Variants in MLLT3 observed in about 807,000 individuals in gnomAD.
MLLT3 encodes the protein protein AF-9.
A neutral mutation model predicts 53.2 loss-of-function variants in MLLT3; 4 were observed. That is an observed-to-expected ratio of 0.08 (90% CI 0.04 to 0.17). The LOEUF (loss-of-function observed/expected upper bound fraction) is 0.17. Among genes scored for constraint, MLLT3 ranks in the 10% least tolerant of loss-of-function variants. MLLT3 has a pLI of 1.00. For synonymous variants in MLLT3, 283 were observed against 230.6 expected (o/e 1.23, Z -2.06); for missense variants, 569 against 684.0 (o/e 0.83, Z 1.87).
chr9:20,534,135 AAC>A (rs1179837486), intron 2 of MLLT3, among the ~76,000 whole-genome samples: 2 of 152,250 alleles, frequency 1.3e-5, no homozygotes, highest in Non-Finnish European at 2.9e-5. Context: ...CAGAATATTC[AAC>A]AGTTATTATA....
intron 2 of MLLT3, among the ~76,000 whole-genome samples, chr9:20,555,426 C>T (rs1437495702): frequency 2.0e-5 from 3 of 152,056 alleles, no homozygotes; most frequent in African/African-American, 4.8e-5. Context: ...GGATTACAGG[C>T]GTGAGCCACC....
intron 2 of MLLT3, among the ~76,000 whole-genome samples, chr9:20,462,615 A>G (rs1824138474): frequency 6.6e-6 from 1 of 152,018 alleles, no homozygotes; most frequent in Non-Finnish European, 1.5e-5. Context: ...CCTTCTGCCA[A>G]TACTCAAAAC....
chr9:20,363,399 G>T (rs1821372614), intron 7 of MLLT3, 77 bp downstream of exon 7: 2,024 of 1,438,398 alleles, frequency 1.4e-3, no homozygotes, highest in East Asian at 3.3e-3. Flanking sequence ...TCACACCTTT[G>T]CTGTGATTAT....
chr9:20,398,108 A>T (rs567737613), intron 5 of MLLT3, among the ~76,000 whole-genome samples: 58 of 151,436 alleles, frequency 3.8e-4, no homozygotes, highest in East Asian at 3.7e-3. Flanking sequence ...TTAATTTTTA[A>T]TTTTTTTTTA....
chr9:20,485,788 C>T (rs931451562), intron 2 of MLLT3, among the ~76,000 whole-genome samples: 1 of 135,000 alleles, frequency 7.4e-6, no homozygotes, highest in Admixed American at 7.8e-5. Context: ...TGATTTAATA[C>T]ATAAAGACTG....
At chr9:20,465,851 G>T (rs990887627) in intron 2 of MLLT3, among the ~76,000 whole-genome samples, 1 of 152,092 alleles carries the variant, frequency 6.6e-6, no homozygotes, top group Non-Finnish European at 1.5e-5. Context: ...GACTGAATGA[G>T]GGTGATGTTA....
chr9:20,471,249 A>AT (rs1343377250), intron 2 of MLLT3, among the ~76,000 whole-genome samples: 2 of 152,004 alleles, frequency 1.3e-5, no homozygotes, highest in Admixed American at 6.5e-5. Flanking sequence ...GGATCTTCTC[A>AT]TTTTTCTACA....
chr9:20,514,750 C>A (rs528948929), intron 2 of MLLT3, among the ~76,000 whole-genome samples: 12 of 152,020 alleles, frequency 7.9e-5, no homozygotes, highest in African/African-American at 1.9e-4. Context: ...GAAAAGGAGT[C>A]GTTTGAGGAA....
chr9:20,397,429 G>A (rs933480736), intron 5 of MLLT3, among the ~76,000 whole-genome samples: 2 of 152,126 alleles, frequency 1.3e-5, no homozygotes, highest in Non-Finnish European at 2.9e-5. Context: ...ATTGGCAAGA[G>A]TGAGTATGCT....
rs532655901 is a variant in MLLT3, at chr9:20,539,993, C to G, written c.193+80661G>C. Among the ~76,000 whole-genome samples, 19 of 152,226 alleles carry G rather than the reference C, an allele frequency of 1.2e-4. No homozygotes were observed. The South Asian group carries it at 3.9e-3, about 32-fold the overall frequency. On this transcript the variant is annotated intron_variant, in intron 2 of 10. Transcript: ENST00000380338. The stretch of plus-strand genomic sequence containing the variant: ...CCCATTCCAAAAGGGAAAAAGTGCC[C>G]AAAACAAAGAGGCTACAAACCCCAG...
rs1450395624 is a variant in MLLT3, at chr9:20,621,999, CGGGGGGT to C, written c.12+239_12+245del. ...AAAGAGGCGAGGAGGGAGGGAGGCGCGGGGGGTGGAGGGGCGAGTGTGAGCGTGTGTG... is the reference window on the plus strand; with the variant it reads ...AAAGAGGCGAGGAGGGAGGGAGGCGCGGAGGGGCGAGTGTGAGCGTGTGTG... On this transcript the variant is annotated intron_variant, in intron 1 of 10. Transcript: ENST00000380338. This position sits in a 1 kb window ranked among gnomAD's most constrained non-coding sequence, Gnocchi z 7.0. 8.2e-7 allele frequency: 1 copy of C among 1,217,756 alleles called. No individual in the cohort carries two copies. Among genetic ancestry groups the C allele is most frequent in the Non-Finnish European group, 1.0e-6 (1 of 975,262 alleles). 75.4% of individuals were successfully genotyped at this position (1,217,756 alleles called of 1,614,324 possible).
At chr9:20,444,743 G>C (rs766371301) in intron 4 of MLLT3, among the ~76,000 whole-genome samples, 1 of 147,992 alleles carries the variant, frequency 6.8e-6, no homozygotes, top group Middle Eastern at 3.2e-3. Context: ...GTGGTAGTCT[G>C]TGCCTGTAGT....
intron 2 of MLLT3, among the ~76,000 whole-genome samples, chr9:20,470,242 T>G (rs1174339794): frequency 6.6e-6 from 1 of 151,978 alleles, no homozygotes; most frequent in Non-Finnish European, 1.5e-5. Flanking sequence ...AAGTATAGAA[T>G]AGTGCTAAAA....
chr9:20,582,701 T>G (rs1819827759), intron 2 of MLLT3, among the ~76,000 whole-genome samples: 1 of 151,750 alleles, frequency 6.6e-6, no homozygotes, highest in African/African-American at 2.4e-5. Context: ...AAGAGAAAAA[T>G]GAGGAAGAAG....
rs144800484 is a variant in MLLT3, at chr9:20,363,480, G to A, written c.1327C>T (p.Arg443Cys). ...RPVNRGGSRS[R>C]RVSLSDGSDS... ...CTTTCCTTCCAAGATACTCACCTGC[G>A]ACTTCGGCTGCCTCCTCTATTTACA... The change falls in exon 7 of 11, where the codon CGC becomes TGC. Residue 443 changes from arginine (R) to cysteine (C), a missense_variant. By Grantham distance (180) the Arg-to-Cys change is radical (BLOSUM62 -3). Coordinates refer to ENST00000380338, the MANE Select transcript of MLLT3 (RefSeq NM_004529.4). 6.2e-6 allele frequency: 10 copies of A among 1,613,502 alleles called. No individual in the cohort carries two copies. The Admixed American group carries it at 6.7e-5, about 11-fold the overall frequency.
At chr9:20,376,783 C>G (rs1821776442) in intron 5 of MLLT3, among the ~76,000 whole-genome samples, 2 of 152,120 alleles carry the variant, frequency 1.3e-5, no homozygotes, top group South Asian at 4.1e-4. Context: ...ACGATTGTAG[C>G]CAGAACATGT....
chr9:20,601,333 A>C (rs936330892), intron 2 of MLLT3, among the ~76,000 whole-genome samples: 1 of 152,226 alleles, frequency 6.6e-6, no homozygotes, highest in African/African-American at 2.4e-5. Flanking sequence ...GTGTTTCTAA[A>C]AAAACACATG....
In MLLT3 at chr9:20,550,215, G is replaced by C. The variant is rs538052648; in HGVS notation, c.193+70439C>G. ...TTCTCTACTCTTACTTGCCCCAAAA[G>C]CTCAAAGCACTTCATGAGAGAAGTG... On this transcript the variant is annotated intron_variant, in intron 2 of 10. Transcript: ENST00000380338. Among the ~76,000 whole-genome samples, 5 of 152,246 alleles carry C rather than the reference G, an allele frequency of 3.3e-5. 1 individual carries two copies. Among genetic ancestry groups the C allele is most frequent in the African/African-American group, 9.6e-5 (4 of 41,538 alleles).
rs139999767 is a variant in MLLT3, at chr9:20,476,827, C to T, written c.194-20041G>A. ...AAATAGAAATTGTTAAGAATGATTA[C>T]AATCTAGAAAATTATCAACTAGCTA... is the stretch of plus-strand genomic sequence containing the variant. On this transcript the variant is annotated intron_variant, in intron 2 of 10. Coordinates refer to ENST00000380338, the MANE Select transcript of MLLT3 (RefSeq NM_004529.4). 1.8e-3 allele frequency among the ~76,000 whole-genome samples: 277 copies of T among 152,208 alleles called. 2 individuals are homozygous for T. Among genetic ancestry groups the T allele is most frequent in the South Asian group, 0.017 (84 of 4,818 alleles).
Sources: allele counts gnomAD v4.1 joint callset (sites outside exome capture counted in the v4.1 genomes callset), GRCh38; gene constraint gnomAD v4.1.1; non-coding constraint Gnocchi (gnomAD v3.1); transcripts MANE v1.5; gene names NCBI Gene and HGNC (gene_info 2026-07-23, HGNC 2026-07-21).